IRF4: variants seen among roughly 807,000 people sequenced by gnomAD.
IRF4 encodes the protein interferon regulatory factor 4.
IRF4 carries 13 observed loss-of-function variants against 55.5 expected under a neutral mutation model. The ratio of observed to expected loss-of-function variants is 0.23; its 90% CI spans 0.15 to 0.37. The LOEUF (loss-of-function observed/expected upper bound fraction) is 0.37, where lower values mean the gene tolerates loss of function less well. Ranked by LOEUF, IRF4 falls within the 10% of genes least tolerant of loss-of-function variation. IRF4 has a pLI of 1.00. For synonymous variants in IRF4, 249 were observed against 240.7 expected, an observed-to-expected ratio of 1.03 and a Z score of -0.32; for missense variants, 397 against 593.8, an observed-to-expected ratio of 0.67 and a Z score of 3.44.
chr6:394,797 G>A (rs770799573), intron 2 of IRF4, 24 bp from the exon 3 acceptor site: 10 of 1,600,040 alleles, frequency 6.2e-6, no homozygotes, highest in Middle Eastern at 3.3e-4. Flanking sequence ...TTGACTTTTC[G>A]TTCTCTTCAT....
intron 7 of IRF4, among the ~76,000 whole-genome samples, chr6:404,381 A>G (rs1466276162): frequency 6.6e-6 from 1 of 152,178 alleles, no homozygotes; most frequent in African/African-American, 2.4e-5. Context: ...TCCTGTTCTC[A>G]AGTCAAGTTA....
At chr6:399,035 T>C in intron 6 of IRF4, 100 bp downstream of exon 6, 1 of 732,140 alleles carries the variant, frequency 1.4e-6, no homozygotes, top group African/African-American at 1.8e-5. Context: ...AGACACTTGC[T>C]TTGCTCCCTC....
At chr6:396,432 T>C (rs1022686339) in intron 4 of IRF4, among the ~76,000 whole-genome samples, 2 of 152,254 alleles carry the variant, frequency 1.3e-5, no homozygotes, top group African/African-American at 4.8e-5. Context: ...GTGTTTTCAC[T>C]TAGTCTGATG....
chr6:405,562 C>T (rs1261018836), intron 8 of IRF4, among the ~76,000 whole-genome samples: 1 of 152,180 alleles, frequency 6.6e-6, no homozygotes, highest in East Asian at 1.9e-4. Context: ...CTATCCATTC[C>T]CTGGAGGCAT....
chr6:403,599 C>T (rs374198813), intron 7 of IRF4, among the ~76,000 whole-genome samples: 9 of 152,228 alleles, frequency 5.9e-5, no homozygotes, highest in African/African-American at 2.2e-4. Flanking sequence ...GGGCTGTAGA[C>T]TTGCGCGACT....
At chr6:395,362 G>A (rs116544972) in intron 3 of IRF4, among the ~76,000 whole-genome samples, 6 of 152,230 alleles carry the variant, frequency 3.9e-5, no homozygotes, top group Non-Finnish European at 7.4e-5. Flanking sequence ...CTATTTTGCA[G>A]AAAAGGAGTA....
At chr6:404,799 G>C (rs530013143) in intron 7 of IRF4, among the ~76,000 whole-genome samples, 1 of 152,296 alleles carries the variant, frequency 6.6e-6, no homozygotes, top group East Asian at 1.9e-4. Flanking sequence ...TTGAAGAATC[G>C]AGGGAGACCG....
At chr6:405,691 A>G (rs1761526687) in intron 8 of IRF4, among the ~76,000 whole-genome samples, 1 of 152,232 alleles carries the variant, frequency 6.6e-6, no homozygotes, top group African/African-American at 2.4e-5. Context: ...AATTCAAGCA[A>G]ATCAGACCCT....
rs1020850335 is a variant in IRF4 at position 409,617 on chromosome 6, C to T, written c.*2019C>T. ...CCATGCAACATGGATATGTATTGGG[C>T]AGCAGACTGTGTTTCGTGAACTGCA... On this transcript the variant is annotated 3_prime_UTR_variant, in exon 9 of 9. Transcript: ENST00000380956. 3 of 221,282 alleles carry T rather than the reference C, an allele frequency of 1.4e-5. No homozygotes were observed. In the South Asian group the frequency reaches 5.5e-4, roughly 41 times the overall value. The allele number at this position is 221,282 out of a possible 1,614,324, so 13.7% of individuals were successfully genotyped here. A position where few individuals can be genotyped will look rare whatever the true frequency, so the allele number is the denominator to read the frequency against.
intron 7 of IRF4, among the ~76,000 whole-genome samples, chr6:403,898 G>A (rs1417362278): frequency 2.0e-5 from 3 of 151,956 alleles, no homozygotes; most frequent in African/African-American, 4.8e-5. Flanking sequence ...CTCAGATCAC[G>A]GCAGTGTGAA....
intron 2 of IRF4, among the ~76,000 whole-genome samples, chr6:394,127 C>T (rs928635437): frequency 3.9e-5 from 6 of 152,208 alleles, no homozygotes; most frequent in South Asian, 2.1e-4. Context: ...GGACTTCCTC[C>T]GGGAATTTGG....
At position 409,033 on chromosome 6, in the gene IRF4, C is replaced by T. The variant is rs1314004656; in HGVS notation, c.*1435C>T. On this transcript the variant is annotated 3_prime_UTR_variant, in exon 9 of 9. Coordinates refer to ENST00000380956, the MANE Select transcript of IRF4 (RefSeq NM_002460.4). The stretch of plus-strand genomic sequence containing the variant: ...GTAGACTGGGGCGTCACCTCCAGGC[C>T]GTTTCTCATACTACAGGATATTTAC... 2.7e-5 allele frequency: 6 copies of T among 219,742 alleles called. No homozygotes were observed. Among genetic ancestry groups the T allele is most frequent in the South Asian group, 1.9e-4 (1 of 5,398 alleles). The allele number at this position is 219,742 out of a possible 1,614,324, so 13.6% of individuals were successfully genotyped here. A position where few individuals can be genotyped will look rare whatever the true frequency, so the allele number is the denominator to read the frequency against.
intron 8 of IRF4, among the ~76,000 whole-genome samples, chr6:405,940 T>A (rs951489690): frequency 6.6e-6 from 1 of 152,178 alleles, no homozygotes; most frequent in African/African-American, 2.4e-5. Flanking sequence ...TGCTGAGCAA[T>A]ACCAGGTAAA....
At chr6:396,599 T>C (rs1761266476) in intron 4 of IRF4, among the ~76,000 whole-genome samples, 1 of 134,838 alleles carries the variant, frequency 7.4e-6, no homozygotes, top group Non-Finnish European at 1.6e-5. Context: ...CCCGTCTCGA[T>C]GCCAGTGCTT....
chr6:401,164 T>G (rs536121366), intron 6 of IRF4, among the ~76,000 whole-genome samples: 1 of 152,222 alleles, frequency 6.6e-6, no homozygotes, highest in Non-Finnish European at 1.5e-5. Context: ...GTTTGTAATA[T>G]GCTGGTTTAG....
chr6:407,632 T>A lies in IRF4; in HGVS notation c.*34T>A. On this transcript the variant is annotated 3_prime_UTR_variant, in exon 9 of 9. Coordinates refer to ENST00000380956, the MANE Select transcript of IRF4 (RefSeq NM_002460.4). ...AAGATGAGTGGTTTTCTTTTTCCTT[T>A]TTTTTTTTTTTTTTTTGATACGGGG... 2.1e-6 allele frequency: 2 copies of A among 973,260 alleles called. No homozygotes were observed. The highest frequency in any genetic ancestry group is 2.8e-6 in the Non-Finnish European group (2 of 719,420). 60.3% of individuals were successfully genotyped at this position (973,260 alleles called of 1,614,324 possible). A position where few individuals can be genotyped will look rare whatever the true frequency, so the allele number is the denominator to read the frequency against.
intron 2 of IRF4, among the ~76,000 whole-genome samples, chr6:394,549 C>A (rs1761205367): frequency 6.6e-6 from 1 of 152,122 alleles, no homozygotes; most frequent in Admixed American, 6.5e-5. Context: ...GGAAGGATGC[C>A]TATGCAACAT....
chr6:404,993 G>A (rs1188233135), intron 7 of IRF4, 25 bp from the exon 8 acceptor site: 2 of 1,454,414 alleles, frequency 1.4e-6, no homozygotes, highest in African/African-American at 2.8e-5. Flanking sequence ...TCTGAACATG[G>A]TCTCTTTCTT....
rs1010232304 is a variant in IRF4 at position 408,535 on chromosome 6, A to G, written c.*937A>G. The stretch of plus-strand genomic sequence containing the variant: ...TCTAGTAATGTCTAAGTAATGGTTA[A>G]GTTTTCTTGTTTCTGCATCTTTTTG... On this transcript the variant is annotated 3_prime_UTR_variant, in exon 9 of 9. Transcript: ENST00000380956. 2.6e-5 allele frequency: 6 copies of G among 230,076 alleles called. No homozygotes were observed. Among genetic ancestry groups the G allele is most frequent in the African/African-American group, 1.1e-4 (5 of 45,140 alleles). The allele number at this position is 230,076 out of a possible 1,614,324, so 14.3% of individuals were successfully genotyped here.
Sources: allele counts gnomAD v4.1 joint callset (sites outside exome capture counted in the v4.1 genomes callset), GRCh38; gene constraint gnomAD v4.1.1; transcripts MANE v1.5; gene names NCBI Gene and HGNC (gene_info 2026-07-23, HGNC 2026-07-21).